The following HUWE1 variants were observed in gnomAD, a reference collection of about 807,000 sequenced individuals.
HUWE1 encodes E3 ubiquitin-protein ligase HUWE1.
HUWE1 carries 18 observed loss-of-function variants against 299.4 expected under a neutral mutation model. The observed-to-expected ratio is 0.06, with a 90% confidence interval of 0.04 to 0.09. The LOEUF (loss-of-function observed/expected upper bound fraction) is 0.09. Ranked by LOEUF, HUWE1 falls within the 10% of genes least tolerant of loss-of-function variation. The probability of loss-of-function intolerance (pLI) is 1.00; values close to 1 mark genes in which losing one functional copy is unlikely to be tolerated. For synonymous variants in HUWE1, 1,317 were observed against 1,286.1 expected (o/e 1.02, Z -0.51); for missense variants, 1,832 against 3,462.3 (o/e 0.53, Z 11.82).
At chrX:53,662,118 T>C (rs2069033025) in intron 3 of HUWE1, among the ~76,000 whole-genome samples, 1 of 111,278 alleles carries the variant, frequency 9.0e-6, no homozygotes, top group Non-Finnish European at 1.9e-5. Flanking sequence ...TGACATCACC[T>C]GGGAGTTATT....
At position 53,595,300 on chromosome X, in the gene HUWE1, G is replaced by C; in HGVS notation, c.3267C>G (p.Ser1089Arg). The C allele has an allele frequency of 8.3e-7, 1 of 1,210,349 alleles. No homozygotes were observed. The highest frequency in any genetic ancestry group is 1.1e-6 in the Non-Finnish European group (1 of 894,534). Residue 1089 changes from serine to arginine, a missense_variant, in exon 30 of 84, where the codon AGC becomes AGG. Ser to Arg is a moderately radical substitution (Grantham distance 110). Around this residue, in one of 15 missense-constraint regions of HUWE1, gnomAD observed 658 missense variants for 1,282.6 expected, o/e 0.51. Transcript: ENST00000262854. The stretch of plus-strand genomic sequence containing the variant: ...CGGCAGGTGTCGGTGCTGTAGTGGT[G>C]CTGGCAGCATGATGGCTCCTTCTCT... Reference protein sequence around the residue: ...VRQRRSHHAASTTTAPTPAAR... With the variant: ...VRQRRSHHAARTTTAPTPAAR...
rs1194546589 is a variant in HUWE1 at position 53,554,389 on chromosome X, G to C, written c.8494+244C>G. 9.0e-5 allele frequency among the ~76,000 whole-genome samples: 10 copies of C among 110,561 alleles called. No individual in the cohort carries two copies. In the Admixed American group the frequency reaches 9.7e-4, roughly 11 times the overall value. On this transcript the variant is annotated intron_variant, in intron 61 of 83. Coordinates refer to ENST00000262854, the MANE Select transcript of HUWE1 (RefSeq NM_031407.7). ...TTTAAATAATAAGCCTGGGGTGATA[G>C]CCCAGAAACAGAGTAATTGCCTCAA...
intron 3 of HUWE1, among the ~76,000 whole-genome samples, chrX:53,668,303 G>A (rs782191654): frequency 4.6e-5 from 5 of 109,774 alleles, no homozygotes; most frequent in African/African-American, 6.7e-5. Context: ...TTAGCTGGGC[G>A]TGGTGGCACA....
At position 53,586,968 on chromosome X, in the gene HUWE1, A is replaced by G. The variant is rs1325849540; in HGVS notation, c.4615-59T>C. The G allele has an allele frequency of 7.0e-6, 8 of 1,145,224 alleles. No individual in the cohort carries two copies. The Admixed American group carries it at 8.8e-5, about 13-fold the overall frequency. The allele number at this position is 1,145,224 out of a possible 1,213,427, so 94.4% of individuals were successfully genotyped here. A position where few individuals can be genotyped will look rare whatever the true frequency, so the allele number is the denominator to read the frequency against. On this transcript the variant is annotated intron_variant, in intron 37 of 83. Coordinates refer to ENST00000262854, the MANE Select transcript of HUWE1 (RefSeq NM_031407.7). ...AGATACCAATTTCTACTCAGTAACA[A>G]AGATTAGCATGGGATAGGGGAGGGG...
rs782445503 is a variant in HUWE1, at chrX:53,533,274, G to GT, written c.*34dup. 5.3e-5 allele frequency: 51 copies of GT among 970,303 alleles called. No individual in the cohort carries two copies. Among genetic ancestry groups the GT allele is most frequent in the Non-Finnish European group, 6.6e-5 (45 of 681,057 alleles). The allele number at this position is 970,303 out of a possible 1,213,427, so 80.0% of individuals were successfully genotyped here. On this transcript the variant is annotated 3_prime_UTR_variant, in exon 84 of 84. Transcript: ENST00000262854. Reference sequence around the variant, plus strand: ...TCCCCCCTCCCCAGGTCCAACAATGGTAAAAAAAACCCCACGGAGTTGGGC... The same window carrying GT: ...TCCCCCCTCCCCAGGTCCAACAATGGTTAAAAAAAACCCCACGGAGTTGGGC...
At chrX:53,612,402 C>T (rs1406641752) in intron 23 of HUWE1, among the ~76,000 whole-genome samples, 2 of 111,996 alleles carry the variant, frequency 1.8e-5, no homozygotes, top group East Asian at 5.6e-4. Context: ...AATATTAATG[C>T]TACTGGGTTT....
intron 25 of HUWE1, among the ~76,000 whole-genome samples, 161 bp downstream of exon 25, chrX:53,607,362 G>A (rs1455763631): frequency 8.9e-6 from 1 of 112,143 alleles, no homozygotes; most frequent in Non-Finnish European, 1.9e-5. Context: ...GAAATAACAT[G>A]GCACACTATA....
At chrX:53,598,847 T>G (rs2064655022) in intron 29 of HUWE1, among the ~76,000 whole-genome samples, 1 of 112,174 alleles carries the variant, frequency 8.9e-6, no homozygotes, top group South Asian at 3.7e-4. Context: ...TAGGCTCTAC[T>G]TGAGCCTAGG....
intron 80 of HUWE1, 57 bp downstream of exon 80, chrX:53,536,090 T>C (rs1015068822): frequency 1.7e-5 from 13 of 770,782 alleles, no homozygotes; most frequent in Non-Finnish European, 2.6e-5. Flanking sequence ...AAGGTGAACC[T>C]GGAATGGATC....
rs979292960 is a variant in HUWE1 at position 53,583,845 on chromosome X, T to C, written c.5233A>G (p.Ile1745Val). 5.0e-6 allele frequency: 6 copies of C among 1,207,086 alleles called. No individual in the cohort carries two copies. In the Admixed American group the frequency reaches 1.1e-4, roughly 22 times the overall value. ...TSLEETKIGEILIQGLTEDMV... is the reference protein window; with the variant it reads ...TSLEETKIGEVLIQGLTEDMV... ...TCTTCTGTCAAGCCCTGGATCAGGATCTCCCCGATTTTTGTTTCCTCCAGG... is the reference window on the plus strand; with the variant it reads ...TCTTCTGTCAAGCCCTGGATCAGGACCTCCCCGATTTTTGTTTCCTCCAGG... Residue 1745 changes from isoleucine to valine, a missense_variant, in exon 42 of 84, where the codon ATC becomes GTC. Ile to Val is a conservative substitution (Grantham distance 29). Coordinates refer to ENST00000262854, the MANE Select transcript of HUWE1 (RefSeq NM_031407.7).
chrX:53,564,441 C>A, intron 51 of HUWE1, 133 bp downstream of exon 51: 1 of 703,655 alleles, frequency 1.4e-6, no homozygotes, highest in South Asian at 2.3e-5. Context: ...ATCTACTAAG[C>A]ATATCACCCA....
At chrX:53,641,029 G>A (rs1557030585) in intron 7 of HUWE1, among the ~76,000 whole-genome samples, 1 of 111,269 alleles carries the variant, frequency 9.0e-6, no homozygotes, top group African/African-American at 3.3e-5. Context: ...TGACTTCTAG[G>A]TCTGTTAACT....
intron 72 of HUWE1, 21 bp downstream of exon 72, chrX:53,544,539 C>A (rs782582872): frequency 2.1e-5 from 25 of 1,180,711 alleles, no homozygotes; most frequent in Non-Finnish European, 2.9e-5. Flanking sequence ...TTCCCCTCAA[C>A]TGGACACTCT....
intron 39 of HUWE1, among the ~76,000 whole-genome samples, 180 bp downstream of exon 39, chrX:53,586,309 TC>T (rs2063855115): frequency 8.9e-6 from 1 of 112,252 alleles, no homozygotes; most frequent in Non-Finnish European, 1.9e-5. Context: ...GCACACTCCT[TC>T]AAAATTTACT....
intron 3 of HUWE1, among the ~76,000 whole-genome samples, chrX:53,660,697 C>A (rs1557044948): frequency 8.9e-6 from 1 of 111,783 alleles, no homozygotes; most frequent in East Asian, 2.8e-4. Flanking sequence ...TTCTCTTCCA[C>A]TAGGGCAGTC....
chrX:53,586,121 A>G (rs1161154432), intron 39 of HUWE1, among the ~76,000 whole-genome samples: 1 of 112,139 alleles, frequency 8.9e-6, no homozygotes, highest in Non-Finnish European at 1.9e-5. Context: ...GTTTCTACTG[A>G]TTTTCCCTAA....
chrX:53,674,672 T>G (rs2069723671), intron 3 of HUWE1, among the ~76,000 whole-genome samples: 1 of 112,153 alleles, frequency 8.9e-6, no homozygotes, highest in Admixed American at 9.4e-5. Flanking sequence ...TCTTGTAAAC[T>G]GCTATAGCAC....
At chrX:53,535,324 G>T in intron 81 of HUWE1, 60 bp downstream of exon 81, 1 of 740,530 alleles carries the variant, frequency 1.4e-6, no homozygotes, top group Non-Finnish European at 2.1e-6. Context: ...CCTATCAAAT[G>T]AATCAAGTCC....
chrX:53,675,822 A>G (rs2069790288), intron 3 of HUWE1, among the ~76,000 whole-genome samples: 1 of 111,491 alleles, frequency 9.0e-6, no homozygotes, highest in Non-Finnish European at 1.9e-5. Flanking sequence ...ACTGATGACT[A>G]TTAGGAATAC....
Sources: allele counts gnomAD v4.1 joint callset (sites outside exome capture counted in the v4.1 genomes callset), GRCh38; gene constraint gnomAD v4.1.1; regional missense constraint gnomAD v4.1.1; transcripts MANE v1.5; gene names NCBI Gene and HGNC (gene_info 2026-07-23, HGNC 2026-07-21).